The following SLC7A5 variants were observed in gnomAD, a reference collection of about 807,000 sequenced individuals.
SLC7A5 encodes solute carrier family 7 member 5, also known as large neutral amino acids transporter small subunit 1.
Under a neutral mutation model 50.2 loss-of-function variants are expected in SLC7A5, and 23 were observed. The ratio of observed to expected loss-of-function variants is 0.46; its 90% CI spans 0.33 to 0.65. The LOEUF (loss-of-function observed/expected upper bound fraction) is 0.65, where lower values mean the gene tolerates loss of function less well. Ranked by LOEUF, SLC7A5 falls within the 30% of genes least tolerant of loss-of-function variation. SLC7A5 has a pLI of 0.02. For missense variants in SLC7A5, 578 were observed against 684.4 expected (o/e 0.84, Z 1.73); for synonymous variants, 393 against 330.6 (o/e 1.19, Z -2.05).
chr16:87,865,619 G>C (rs1326628438), intron 1 of SLC7A5, among the ~76,000 whole-genome samples: 1 of 152,104 alleles, frequency 6.6e-6, no homozygotes, highest in Non-Finnish European at 1.5e-5. Flanking sequence ...AGGCAGGAGA[G>C]TCGCTTGAAC....
intron 1 of SLC7A5, among the ~76,000 whole-genome samples, chr16:87,855,051 A>G (rs1349735434): frequency 6.6e-6 from 1 of 152,254 alleles, no homozygotes; most frequent in Non-Finnish European, 1.5e-5. Context: ...GACACCTGTC[A>G]CAGTGAGGCC....
At chr16:87,865,660 T>A (rs1188511558) in intron 1 of SLC7A5, among the ~76,000 whole-genome samples, 1 of 151,866 alleles carries the variant, frequency 6.6e-6, no homozygotes, top group East Asian at 1.9e-4. Flanking sequence ...TGAGCCAAGA[T>A]CGTGCCATTG....
At chr16:87,851,008 C>T (rs1222956604) in intron 2 of SLC7A5, among the ~76,000 whole-genome samples, 3 of 152,182 alleles carry the variant, frequency 2.0e-5, no homozygotes, top group Non-Finnish European at 2.9e-5. Context: ...CTTCTACCAG[C>T]CCCAAGAGAA....
At chr16:87,864,608 T>C (rs2055438918) in intron 1 of SLC7A5, among the ~76,000 whole-genome samples, 1 of 152,248 alleles carries the variant, frequency 6.6e-6, no homozygotes, top group Non-Finnish European at 1.5e-5. Context: ...TGCAGACCCC[T>C]GACCCGGTGA....
Position 87,833,022 on chromosome 16 carries a change from G to C in SLC7A5, c.1472C>G (p.Ser491Cys). ...GAGCTTCTGACACAGGACGGTCGTG[G>C]AGACTGTCAGGAGAGAAGACAGCTG... is the stretch of plus-strand genomic sequence containing the variant. The part of the protein sequence containing the change: ...KPKWLLQGIF[S>C]TTVLCQKLMQ... Residue 491 changes from serine to cysteine, a missense_variant, in exon 10 of 10, where the codon TCC (serine) becomes TGC (cysteine). This residue lies in a region of SLC7A5 where 465 missense variants were observed against 594.6 expected (regional missense o/e 0.78). Transcript: ENST00000261622. This position sits in a 1 kb window ranked among gnomAD's most constrained non-coding sequence, Gnocchi z 6.0. 5.0e-6 allele frequency: 8 copies of C among 1,613,802 alleles called. No homozygotes were observed. The highest frequency in any genetic ancestry group is 6.8e-6 in the Non-Finnish European group (8 of 1,179,822).
intron 2 of SLC7A5, among the ~76,000 whole-genome samples, chr16:87,850,191 C>CGTGCTGG (rs1261125973): frequency 1.3e-5 from 2 of 152,332 alleles, no homozygotes; most frequent in Non-Finnish European, 2.9e-5. Context: ...GCTAAAGCTG[C>CGTGCTGG]GTGCTGGGTG....
chr16:87,845,010 A>G (rs139867126), intron 2 of SLC7A5, among the ~76,000 whole-genome samples: 1 of 152,280 alleles, frequency 6.6e-6, no homozygotes, highest in East Asian at 1.9e-4. Context: ...TCCAGGGGAG[A>G]CAGAGCCAGA....
Position 87,841,190 on chromosome 16 carries a change from G to T in SLC7A5, c.665-35C>A. The T allele has an allele frequency of 7.1e-7, 1 of 1,405,026 alleles. No individual in the cohort carries two copies. Among genetic ancestry groups the T allele is most frequent in the Non-Finnish European group, 1.0e-6 (1 of 989,748 alleles). 87.0% of individuals were successfully genotyped at this position (1,405,026 alleles called of 1,614,324 possible). On this transcript the variant is annotated intron_variant, in intron 2 of 9. Transcript: ENST00000261622. This position sits in a 1 kb window ranked among gnomAD's most constrained non-coding sequence, Gnocchi z 4.8. ...CCAAAGAAAGGAATGCTGGGTTAGA[G>T]AGCGCTGAACAGAGGTCATGCTACC...
intron 1 of SLC7A5, among the ~76,000 whole-genome samples, chr16:87,858,754 T>C (rs2055351903): frequency 6.6e-6 from 1 of 152,070 alleles, no homozygotes; most frequent in African/African-American, 2.4e-5. Flanking sequence ...TCCAAGCCAG[T>C]CCAACTCAAC....
At chr16:87,846,725 AG>A (rs1567493647) in intron 2 of SLC7A5, among the ~76,000 whole-genome samples, 1 of 152,128 alleles carries the variant, frequency 6.6e-6, no homozygotes, top group Non-Finnish European at 1.5e-5. Flanking sequence ...TCCAGGTAGC[AG>A]GGCCCTGGCA....
rs959947616 is a variant in SLC7A5 at position 87,845,267 on chromosome 16, G to A, written c.665-4112C>T. On this transcript the variant is annotated intron_variant, in intron 2 of 9. Coordinates refer to ENST00000261622, the MANE Select transcript of SLC7A5 (RefSeq NM_003486.7). ...ACACCCCACTTCTCAGTCACCAGCCGAGTGCACAGCCAATGGCACCTCATC... is the reference window on the plus strand; with the variant it reads ...ACACCCCACTTCTCAGTCACCAGCCAAGTGCACAGCCAATGGCACCTCATC... Among the ~76,000 whole-genome samples, 8 of 152,356 alleles carry A rather than the reference G, an allele frequency of 5.3e-5. No individual in the cohort carries two copies. The Middle Eastern group carries it at 0.01, about 194-fold the overall frequency.
chr16:87,834,710 C>G, intron 8 of SLC7A5, 119 bp from the exon 9 acceptor site: 1 of 1,021,300 alleles, frequency 9.8e-7, no homozygotes, highest in Non-Finnish European at 1.5e-6. Context: ...TTCCAGGTCA[C>G]CAAGATGCGA....
intron 1 of SLC7A5, among the ~76,000 whole-genome samples, chr16:87,864,702 G>A (rs1324766960): frequency 2.6e-5 from 4 of 152,366 alleles, no homozygotes; most frequent in African/African-American, 9.6e-5. Context: ...TCCCTGCTGA[G>A]TCCTGTAAAC....
chr16:87,867,254 G>A (rs116424634), intron 1 of SLC7A5, among the ~76,000 whole-genome samples: 1,725 of 152,326 alleles, frequency 0.011, 38 homozygotes, highest in African/African-American at 0.039. Context: ...TAAGAGTGCA[G>A]GCTGCGTAAG....
In SLC7A5 at chr16:87,839,155, G is replaced by A. The variant is rs1448843077; in HGVS notation, c.940-338C>T. Among the ~76,000 whole-genome samples, 3 of 152,232 alleles carry A rather than the reference G, an allele frequency of 2.0e-5. No individual in the cohort carries two copies. In the East Asian group the frequency reaches 5.8e-4, roughly 29 times the overall value. ...TCAGCACGGTGCCCTGCCGGCAGCGGGCTGGGAGTCAGAGCTTGTTCAGTA... is the reference window on the plus strand; with the variant it reads ...TCAGCACGGTGCCCTGCCGGCAGCGAGCTGGGAGTCAGAGCTTGTTCAGTA... On this transcript the variant is annotated intron_variant, in intron 5 of 9. Transcript: ENST00000261622.
intron 8 of SLC7A5, among the ~76,000 whole-genome samples, 192 bp downstream of exon 8, chr16:87,836,306 T>G (rs1399680076): frequency 6.6e-6 from 1 of 152,248 alleles, no homozygotes; most frequent in Non-Finnish European, 1.5e-5. Context: ...GAACCCCGGC[T>G]CCTGCAGTCA....
rs991126483 is a variant in SLC7A5 at position 87,853,565 on chromosome 16, AG to A, written c.539-1717del. Among the ~76,000 whole-genome samples the A allele has an allele frequency of 1.3e-5, 2 of 152,152 alleles. No individual in the cohort carries two copies. The highest frequency in any genetic ancestry group is 4.8e-5 in the African/African-American group (2 of 41,432). ...TCCAGTCCAACCCTCAGGGCTCAGC[AG>A]GGTCAGGTCAGTGGGTCTAGGCAGC... On this transcript the variant is annotated intron_variant, in intron 1 of 9. Coordinates refer to ENST00000261622, the MANE Select transcript of SLC7A5 (RefSeq NM_003486.7). The surrounding 1 kb of genome is among the most constrained non-coding windows in gnomAD (Gnocchi z 4.4).
intron 2 of SLC7A5, among the ~76,000 whole-genome samples, chr16:87,842,035 C>T (rs978753106): frequency 6.6e-6 from 1 of 152,112 alleles, no homozygotes; most frequent in Non-Finnish European, 1.5e-5. Context: ...CTGGTGTGTT[C>T]GAGCCCGGAA....
intron 8 of SLC7A5, among the ~76,000 whole-genome samples, chr16:87,835,683 C>T (rs906534946): frequency 1.3e-5 from 2 of 152,062 alleles, no homozygotes; most frequent in South Asian, 2.1e-4. Context: ...ACCGTGTTAG[C>T]CAGGATGGTC....
Sources: allele counts gnomAD v4.1 joint callset (sites outside exome capture counted in the v4.1 genomes callset), GRCh38; gene constraint gnomAD v4.1.1; regional missense constraint gnomAD v4.1.1; non-coding constraint Gnocchi (gnomAD v3.1); transcripts MANE v1.5; gene names NCBI Gene and HGNC (gene_info 2026-07-23, HGNC 2026-07-21).